SEMA5A: variants seen among roughly 807,000 people sequenced by gnomAD.
SEMA5A encodes semaphorin-5A.
Under a neutral mutation model 135.5 loss-of-function variants are expected in SEMA5A, and 55 were observed. That is an observed-to-expected ratio of 0.41 (90% CI 0.33 to 0.51). The LOEUF (loss-of-function observed/expected upper bound fraction) is 0.51, where lower values mean the gene tolerates loss of function less well. Among genes scored for constraint, SEMA5A ranks in the 20% least tolerant of loss-of-function variants. The probability of loss-of-function intolerance (pLI) is 0.37; values close to 1 mark genes in which losing one functional copy is unlikely to be tolerated. For synonymous variants in SEMA5A, 580 were observed against 546.5 expected (o/e 1.06, Z -0.85); for missense variants, 1,290 against 1,419.9 (o/e 0.91, Z 1.47).
At chr5:9,098,249 A>AAATAAATG (rs1248882315) in intron 16 of SEMA5A, among the ~76,000 whole-genome samples, 1 of 149,756 alleles carries the variant, frequency 6.7e-6, no homozygotes, top group Non-Finnish European at 1.5e-5. Context: ...ATAAATAAAT[A>AAATAAATG]AATAAATAAA....
Position 9,042,509 on chromosome 5 carries a change from A to ATCTC in SEMA5A, c.*387_*388insGAGA. 4.3e-5 allele frequency: 10 copies of ATCTC among 230,360 alleles called. No homozygotes were observed. Among genetic ancestry groups the ATCTC allele is most frequent in the South Asian group, 1.9e-4 (3 of 16,080 alleles). The allele number at this position is 230,360 out of a possible 1,614,324, so 14.3% of individuals were successfully genotyped here. A position where few individuals can be genotyped will look rare whatever the true frequency, so the allele number is the denominator to read the frequency against. The stretch of plus-strand genomic sequence containing the variant: ...CTTGTGGAAGGAGCAGGTCTTTCAG[A>ATCTC]GAAAGTGCCTATTTTCTTGAATTAC... On this transcript the variant is annotated 3_prime_UTR_variant, in exon 23 of 23. Coordinates refer to ENST00000382496, the MANE Select transcript of SEMA5A (RefSeq NM_003966.3).
intron 3 of SEMA5A, among the ~76,000 whole-genome samples, chr5:9,353,098 G>GA (rs1378151075): frequency 0.21 from 4,518 of 21,634 alleles, 1,228 homozygotes; most frequent in Middle Eastern, 0.29. Flanking sequence ...GGAAAGGAAG[G>GA]AAGGAAAGGA....
intron 16 of SEMA5A, among the ~76,000 whole-genome samples, chr5:9,092,892 T>C (rs557025227): frequency 3.7e-4 from 56 of 152,336 alleles, no homozygotes; most frequent in Admixed American, 3.3e-3. Context: ...TTCACTACCC[T>C]ACACTCTGCA....
intron 3 of SEMA5A, among the ~76,000 whole-genome samples, chr5:9,356,549 G>C (rs1323242303): frequency 6.6e-6 from 1 of 152,166 alleles, no homozygotes; most frequent in African/African-American, 2.4e-5. Context: ...CCCCCACCAA[G>C]TTCAAAGGGA....
At chr5:9,193,982 A>G (rs1745252584) in intron 10 of SEMA5A, among the ~76,000 whole-genome samples, 1 of 152,236 alleles carries the variant, frequency 6.6e-6, no homozygotes, top group Admixed American at 6.5e-5. Context: ...TGCTCCTCCA[A>G]CAACTGCCTC....
intron 11 of SEMA5A, among the ~76,000 whole-genome samples, chr5:9,182,275 G>C (rs557442240): frequency 6.6e-6 from 1 of 151,796 alleles, no homozygotes; most frequent in South Asian, 2.1e-4. Context: ...CAAAGGCCAC[G>C]AGAAGTATCA....
At chr5:9,475,151 C>G (rs995611577) in intron 1 of SEMA5A, among the ~76,000 whole-genome samples, 1 of 152,168 alleles carries the variant, frequency 6.6e-6, no homozygotes, top group South Asian at 2.1e-4. Context: ...AGGCTGGTCT[C>G]GAACTCCTGA....
Position 9,042,960 on chromosome 5 carries a change from A to C in SEMA5A, c.3162T>G (p.His1054Gln). ...LEERNKYFNPHLTGKTYSNAY... is the reference protein window; with the variant it reads ...LEERNKYFNPQLTGKTYSNAY... ...CATTAGAATAGGTCTTCCCAGTGAG[A>C]TGTGGGTTGAAGTATTTGTTTCTTT... Residue 1054 changes from histidine (H) to glutamine (Q), a missense_variant, in exon 23 of 23, where the codon CAT becomes CAG. This residue lies in a region of SEMA5A where 1,029 missense variants were observed against 1,086.6 expected (regional missense o/e 0.95). Coordinates refer to ENST00000382496, the MANE Select transcript of SEMA5A (RefSeq NM_003966.3). 1 of 1,612,742 alleles carries C rather than the reference A, an allele frequency of 6.2e-7. No homozygotes were observed. The highest frequency in any genetic ancestry group is 8.5e-7 in the Non-Finnish European group (1 of 1,178,862).
At chr5:9,324,401 A>G (rs1316640296) in intron 4 of SEMA5A, among the ~76,000 whole-genome samples, 1 of 152,198 alleles carries the variant, frequency 6.6e-6, no homozygotes, top group Non-Finnish European at 1.5e-5. Flanking sequence ...CCATAAGTAA[A>G]ACATTTGTGG....
At chr5:9,054,618 A>T (rs1037508788) in intron 18 of SEMA5A, among the ~76,000 whole-genome samples, 30 of 152,110 alleles carry the variant, frequency 2.0e-4, no homozygotes, top group African/African-American at 6.0e-4. Context: ...ACAACCATGA[A>T]CCACCTTGTA....
At chr5:9,068,544 G>C (rs1442570791) in intron 16 of SEMA5A, among the ~76,000 whole-genome samples, 1 of 152,170 alleles carries the variant, frequency 6.6e-6, no homozygotes, top group Non-Finnish European at 1.5e-5. Context: ...GTGCTCAGAG[G>C]TCCAGAGACG....
chr5:9,412,268 TC>T (rs1390802344), intron 2 of SEMA5A, among the ~76,000 whole-genome samples: 2 of 151,558 alleles, frequency 1.3e-5, no homozygotes, highest in Non-Finnish European at 2.9e-5. Context: ...CCTTTCTACC[TC>T]CCCCTTCTGC....
intron 1 of SEMA5A, among the ~76,000 whole-genome samples, chr5:9,473,546 A>T (rs198686): frequency 0.95 from 143,524 of 151,786 alleles, 68,220 homozygotes; most frequent in Non-Finnish European, 1. Flanking sequence ...CCCAAAATTC[A>T]GGCCAAACCT....
At chr5:9,075,414 G>A (rs1263350084) in intron 16 of SEMA5A, among the ~76,000 whole-genome samples, 1 of 152,122 alleles carries the variant, frequency 6.6e-6, no homozygotes. Context: ...ACAAGAAACT[G>A]GAGACAACTC....
At chr5:9,150,418 A>G (rs549857790) in intron 12 of SEMA5A, among the ~76,000 whole-genome samples, 37 of 152,318 alleles carry the variant, frequency 2.4e-4, no homozygotes, top group Admixed American at 2.0e-3. Context: ...ACCAATTCCA[A>G]TGAGTTAGCT....
At chr5:9,200,430 A>G (rs1442407727) in intron 9 of SEMA5A, among the ~76,000 whole-genome samples, 5 of 152,256 alleles carry the variant, frequency 3.3e-5, no homozygotes, top group Admixed American at 2.0e-4. Context: ...CTCCTTGTGC[A>G]TAAAACTGAT....
At chr5:9,167,568 GC>G (rs1196500100) in intron 11 of SEMA5A, among the ~76,000 whole-genome samples, 5 of 152,116 alleles carry the variant, frequency 3.3e-5, no homozygotes, top group African/African-American at 1.2e-4. Flanking sequence ...AGATCTGCAT[GC>G]TTTGCATATT....
At chr5:9,174,811 C>T (rs1744116991) in intron 11 of SEMA5A, among the ~76,000 whole-genome samples, 1 of 152,202 alleles carries the variant, frequency 6.6e-6, no homozygotes, top group African/African-American at 2.4e-5. Context: ...GCCCAAGCAA[C>T]CTCACTCCTT....
chr5:9,195,222 G>A (rs1187582652), intron 10 of SEMA5A, among the ~76,000 whole-genome samples: 1 of 152,138 alleles, frequency 6.6e-6, no homozygotes, highest in Non-Finnish European at 1.5e-5. Context: ...CCAGACTGGA[G>A]TGCAGTGGAT....
Sources: gnomAD v4.1 joint callset for allele counts (sites outside exome capture counted in the v4.1 genomes callset) on GRCh38, gnomAD v4.1.1 for gene constraint, gnomAD v4.1.1 regional missense constraint, MANE v1.5 for transcripts, NCBI Gene and HGNC (gene_info 2026-07-23, HGNC 2026-07-21) for gene names.